Variants in WRN observed in about 807,000 individuals in gnomAD.
The protein encoded by WRN is WRN RecQ like helicase.
Under a neutral mutation model 180.7 loss-of-function variants are expected in WRN, and 149 were observed. That is an observed-to-expected ratio of 0.82 (90% CI 0.72 to 0.94). WRN has a LOEUF of 0.94. Among genes scored for constraint, WRN ranks in the 40% least tolerant of loss-of-function variants. The probability of loss-of-function intolerance (pLI) is 0.00; values close to 1 mark genes in which losing one functional copy is unlikely to be tolerated. For missense variants in WRN, 1,661 were observed against 1,700.1 expected, an observed-to-expected ratio of 0.98 and a Z score of 0.40; for synonymous variants, 548 against 568.9, an observed-to-expected ratio of 0.96 and a Z score of 0.52.
chr8:31,114,560 A>G (rs989149510), intron 19 of WRN, among the ~76,000 whole-genome samples: 6 of 152,206 alleles, frequency 3.9e-5, no homozygotes, highest in Admixed American at 6.5e-5. Flanking sequence ...AATTTGAGCA[A>G]CACTGTTGCA....
At position 31,109,498 on chromosome 8, in the gene WRN, A is replaced by T. The variant is rs556212329; in HGVS notation, c.2089-2117A>T. Among the ~76,000 whole-genome samples, 152 of 151,728 alleles carry T rather than the reference A, an allele frequency of 1.0e-3. 1 individual carries two copies. The highest frequency in any genetic ancestry group is 3.6e-3 in the African/African-American group (148 of 41,408). Reference sequence around the variant, plus strand: ...CACATCATATAGCCGTCTCCATCTCATTTTTTTTGCTGAAAAAACTGAGCC... The same window carrying T: ...CACATCATATAGCCGTCTCCATCTCTTTTTTTTTGCTGAAAAAACTGAGCC... On this transcript the variant is annotated intron_variant, in intron 18 of 34. Transcript: ENST00000298139.
At chr8:31,062,150 C>T (rs1191911560) in intron 3 of WRN, among the ~76,000 whole-genome samples, 1 of 152,106 alleles carries the variant, frequency 6.6e-6, no homozygotes, top group African/African-American at 2.4e-5. Flanking sequence ...AGATCATAGT[C>T]CTGTACTGCC....
Position 31,173,415 on chromosome 8 carries a change from T to C in WRN, c.*313T>C, listed in dbSNP as rs1340835284. 1 of 336,724 alleles carries C rather than the reference T, an allele frequency of 3.0e-6. No individual in the cohort carries two copies. The highest frequency in any genetic ancestry group is 5.5e-6 in the Non-Finnish European group (1 of 180,830). 20.9% of individuals were successfully genotyped at this position (336,724 alleles called of 1,614,324 possible). On this transcript the variant is annotated 3_prime_UTR_variant, in exon 35 of 35. Transcript: ENST00000298139. ...AACAGTGTATTTGGAAAATGTTATGTGCTCTGATTTGATATAGATAACAGA... is the reference window on the plus strand; with the variant it reads ...AACAGTGTATTTGGAAAATGTTATGCGCTCTGATTTGATATAGATAACAGA...
At chr8:31,088,500 CTG>C (rs1465643830) in intron 12 of WRN, among the ~76,000 whole-genome samples, 1 of 152,020 alleles carries the variant, frequency 6.6e-6, no homozygotes, top group African/African-American at 2.4e-5. Flanking sequence ...TTTATTTTAT[CTG>C]TGGATTTTTT....
At chr8:31,106,653 G>A (rs1381903053) in intron 18 of WRN, among the ~76,000 whole-genome samples, 7 of 152,038 alleles carry the variant, frequency 4.6e-5, no homozygotes, top group Admixed American at 2.6e-4. Flanking sequence ...GGCCTCCTGG[G>A]CCACCATATT....
At chr8:31,093,402 A>G (rs1225642170) in intron 16 of WRN, among the ~76,000 whole-genome samples, 6 of 151,942 alleles carry the variant, frequency 3.9e-5, no homozygotes, top group Non-Finnish European at 8.8e-5. Context: ...CACCTGATGC[A>G]GTTGTTGTTG....
intron 2 of WRN, among the ~76,000 whole-genome samples, chr8:31,058,893 C>T (rs532341951): frequency 8.8e-4 from 134 of 152,074 alleles, no homozygotes; most frequent in African/African-American, 3.1e-3. Context: ...ATATAATTAC[C>T]AGAGAAAAAA....
chr8:31,044,040 C>A (rs1811754123), intron 1 of WRN, among the ~76,000 whole-genome samples: 1 of 151,930 alleles, frequency 6.6e-6, no homozygotes, highest in South Asian at 2.1e-4. Context: ...ATTTCATTTT[C>A]TTTTTTCTTG....
chr8:31,096,878 A>G, intron 17 of WRN, 28 bp downstream of exon 17: 4 of 1,573,098 alleles, frequency 2.5e-6, no homozygotes, highest in African/African-American at 1.3e-5. Context: ...ATCTCTGTAA[A>G]TACTTACTGA....
chr8:31,173,428 TATAG>T lies in WRN; in HGVS notation c.*330_*333del. 3.4e-6 allele frequency: 1 copy of T among 296,704 alleles called. No individual in the cohort carries two copies. Among genetic ancestry groups the T allele is most frequent in the South Asian group, 6.1e-5 (1 of 16,348 alleles). The allele number at this position is 296,704 out of a possible 1,614,324, so 18.4% of individuals were successfully genotyped here. A position where few individuals can be genotyped will look rare whatever the true frequency, so the allele number is the denominator to read the frequency against. On this transcript the variant is annotated 3_prime_UTR_variant, in exon 35 of 35. Coordinates refer to ENST00000298139, the MANE Select transcript of WRN (RefSeq NM_000553.6). The stretch of plus-strand genomic sequence containing the variant: ...GAAAATGTTATGTGCTCTGATTTGA[TATAG>T]ATAACAGATTAGTAGTTACATGGTA...
Position 31,096,737 on chromosome 8 carries a change from T to C in WRN, c.1899-31T>C, listed in dbSNP as rs1227979626. 5.2e-6 allele frequency: 8 copies of C among 1,544,646 alleles called. No individual in the cohort carries two copies. The East Asian group carries it at 1.6e-4, about 31-fold the overall frequency. On this transcript the variant is annotated intron_variant, in intron 16 of 34. Coordinates refer to ENST00000298139, the MANE Select transcript of WRN (RefSeq NM_000553.6). ...ATATGTTTCCCTTCCTGTTTTTTTT[T>C]TTTTCTTTTTTCTTTTGTTTGTTTT...
chr8:31,090,560 C>T (rs776957875), intron 14 of WRN, 28 bp downstream of exon 14: 1 of 1,595,818 alleles, frequency 6.3e-7, no homozygotes, highest in African/African-American at 1.3e-5. Context: ...AAAACCTAAT[C>T]CTTTAAAAAA....
intron 1 of WRN, 35 bp downstream of exon 1, chr8:31,034,008 C>G (rs907305973): frequency 1.3e-5 from 2 of 152,320 alleles, no homozygotes; most frequent in African/African-American, 4.8e-5. Context: ...TTCCCAGCTC[C>G]GTGCCCCGGG....
At chr8:31,034,234 A>T (rs533542382) in intron 1 of WRN, among the ~76,000 whole-genome samples, 3 of 152,130 alleles carry the variant, frequency 2.0e-5, no homozygotes, top group Non-Finnish European at 2.9e-5. Context: ...TTGCGCGCTT[A>T]GTTAGGATTG....
intron 16 of WRN, among the ~76,000 whole-genome samples, chr8:31,092,846 A>G (rs149429816): frequency 2.0e-5 from 3 of 152,208 alleles, no homozygotes; most frequent in Non-Finnish European, 2.9e-5. Context: ...CAGTCACACA[A>G]TATTAACTCT....
At chr8:31,119,682 T>G (rs1801646729) in intron 20 of WRN, among the ~76,000 whole-genome samples, 2 of 151,984 alleles carry the variant, frequency 1.3e-5, no homozygotes, top group African/African-American at 4.8e-5. Context: ...GTATTTTTAT[T>G]GTTATTACCT....
chr8:31,171,090 C>A (rs1362703925), intron 34 of WRN: 1 of 152,104 alleles, frequency 6.6e-6, no homozygotes, highest in Non-Finnish European at 1.5e-5. Context: ...GCTTAAGTAA[C>A]ACGCATAATA....
intron 3 of WRN, among the ~76,000 whole-genome samples, chr8:31,062,265 T>A (rs577732791): frequency 6.6e-6 from 1 of 152,352 alleles, no homozygotes; most frequent in South Asian, 2.1e-4. Context: ...CATGTTGGCC[T>A]GAAGCAGAAG....
chr8:31,128,084 A>T (rs1459145289), intron 23 of WRN, among the ~76,000 whole-genome samples: 3 of 145,926 alleles, frequency 2.1e-5, no homozygotes, highest in East Asian at 2.0e-4. Flanking sequence ...ATCTCTATTT[A>T]AAAAAAAAAA....
Sources: allele counts gnomAD v4.1 joint callset (sites outside exome capture counted in the v4.1 genomes callset), GRCh38; gene constraint gnomAD v4.1.1; transcripts MANE v1.5; gene names NCBI Gene and HGNC (gene_info 2026-07-23, HGNC 2026-07-21).